ERO1B: variants seen among roughly 807,000 people sequenced by gnomAD.
ERO1B encodes the protein ERO1-like protein beta.
In ERO1B, 49 loss-of-function variants were observed where a neutral mutation model predicts 75.3. The observed-to-expected ratio is 0.65, with a 90% CI of 0.52 to 0.83. ERO1B has a LOEUF of 0.83. Ranked by LOEUF, ERO1B falls within the 40% of genes least tolerant of loss-of-function variation. ERO1B has a pLI of 0.00. For synonymous variants in ERO1B, 191 were observed against 192.9 expected (o/e 0.99, Z 0.08); for missense variants, 512 against 560.1 (o/e 0.91, Z 0.87).
intron 2 of ERO1B, among the ~76,000 whole-genome samples, chr1:236,261,941 TCAAAAA>T (rs1553373801): frequency 0.012 from 1,831 of 151,644 alleles, 16 homozygotes; most frequent in South Asian, 0.029. Context: ...AGGCTCTGTC[TCAAAAA>T]CAAAAACAAA....
chr1:236,219,981 G>A (rs1354154986), intron 15 of ERO1B, among the ~76,000 whole-genome samples: 1 of 145,730 alleles, frequency 6.9e-6, no homozygotes, highest in Non-Finnish European at 1.5e-5. Flanking sequence ...CCATGATTGT[G>A]CCACTGCATT....
chr1:236,257,162 G>C (rs1256262666), intron 2 of ERO1B, among the ~76,000 whole-genome samples: 1 of 152,214 alleles, frequency 6.6e-6, no homozygotes, highest in East Asian at 1.9e-4. Context: ...ACTAAGAACA[G>C]AGACAGCAGG....
chr1:236,221,542 C>T (rs1180525979), intron 14 of ERO1B, among the ~76,000 whole-genome samples: 1 of 152,144 alleles, frequency 6.6e-6, no homozygotes, highest in Non-Finnish European at 1.5e-5. Context: ...CCTTCTTTTG[C>T]TCATTTATAC....
chr1:236,266,690 T>C (rs1665449634), intron 2 of ERO1B, among the ~76,000 whole-genome samples: 1 of 152,232 alleles, frequency 6.6e-6, no homozygotes, highest in African/African-American at 2.4e-5. Context: ...TTTCCTTTCT[T>C]TGCCACTGTT....
rs1664020034 is a variant in ERO1B, at chr1:236,217,500, G to C, written c.*1016C>G. 1 of 152,534 alleles carries C rather than the reference G, an allele frequency of 6.6e-6. No individual in the cohort carries two copies. Among genetic ancestry groups the C allele is most frequent in the African/African-American group, 2.4e-5 (1 of 41,438 alleles). The allele number at this position is 152,534 out of a possible 1,614,324, so 9.4% of individuals were successfully genotyped here. ...TTTTTATATATCCTGTCAGGGAAAAGCACACTGAGTTCGAGGATTGCATAG... is the reference window on the plus strand; with the variant it reads ...TTTTTATATATCCTGTCAGGGAAAACCACACTGAGTTCGAGGATTGCATAG... On this transcript the variant is annotated 3_prime_UTR_variant, in exon 16 of 16. Transcript: ENST00000354619.
At chr1:236,248,435 T>TG (rs76022654) in intron 5 of ERO1B, among the ~76,000 whole-genome samples, 37,681 of 151,944 alleles carry the variant, frequency 0.25, 4,854 homozygotes, top group East Asian at 0.38. Flanking sequence ...ACTTCTAATG[T>TG]GAAAAAAAAT....
At position 236,220,244 on chromosome 1, in the gene ERO1B, C is replaced by T. The variant is rs1302021520; in HGVS notation, c.1343+588G>A. 4 of 149,036 alleles carry T rather than the reference C, an allele frequency of 2.7e-5. No homozygotes were observed. In the East Asian group the frequency reaches 5.9e-4, roughly 22 times the overall value. The allele number at this position is 149,036 out of a possible 1,614,324, so 9.2% of individuals were successfully genotyped here. On this transcript the variant is annotated intron_variant, in intron 15 of 15. Coordinates refer to ENST00000354619, the MANE Select transcript of ERO1B (RefSeq NM_019891.4). ...AGTATTATTTTCTGTGATTCTTTTCCTTCTGTTCTGTATTCCTCAGTTGGC... is the reference window on the plus strand; with the variant it reads ...AGTATTATTTTCTGTGATTCTTTTCTTTCTGTTCTGTATTCCTCAGTTGGC...
At chr1:236,265,029 C>G (rs1051415834) in intron 2 of ERO1B, among the ~76,000 whole-genome samples, 11 of 136,504 alleles carry the variant, frequency 8.1e-5, no homozygotes, top group Admixed American at 1.6e-4. Context: ...AATTTTATGG[C>G]TCTAGTTATT....
At chr1:236,237,925 C>T (rs549510968) in intron 6 of ERO1B, among the ~76,000 whole-genome samples, 10 of 152,120 alleles carry the variant, frequency 6.6e-5, no homozygotes, top group African/African-American at 1.2e-4. Context: ...CTGTAACCTC[C>T]GCCTCCCAGG....
intron 6 of ERO1B, among the ~76,000 whole-genome samples, chr1:236,242,660 C>A (rs1374767891): frequency 1.3e-5 from 2 of 151,950 alleles, no homozygotes; most frequent in African/African-American, 4.8e-5. Context: ...CAAAGAACTA[C>A]TATTTCCAAC....
chr1:236,257,682 C>T (rs563160822), intron 2 of ERO1B, among the ~76,000 whole-genome samples: 5 of 151,390 alleles, frequency 3.3e-5, no homozygotes, highest in South Asian at 4.2e-4. Flanking sequence ...GTAAGGAGTG[C>T]GATGCATGAA....
At chr1:236,261,960 C>CAAAAACAA (rs111438629) in intron 2 of ERO1B, among the ~76,000 whole-genome samples, 16 of 149,170 alleles carry the variant, frequency 1.1e-4, no homozygotes, top group East Asian at 4.3e-4. Flanking sequence ...AAAACAAAAA[C>CAAAAACAA]AAACAAACAA....
intron 10 of ERO1B, among the ~76,000 whole-genome samples, chr1:236,228,850 T>C (rs1664335232): frequency 6.6e-6 from 1 of 152,184 alleles, no homozygotes; most frequent in Non-Finnish European, 1.5e-5. Context: ...TGTATCAATA[T>C]TCAGATACTC....
At chr1:236,281,655 T>C (rs1665833223) in intron 1 of ERO1B, 27 bp downstream of exon 1, 1 of 1,383,472 alleles carries the variant, frequency 7.2e-7, no homozygotes, top group Non-Finnish European at 9.4e-7. Context: ...GGCCGGGGGT[T>C]CCCGGCCCGC....
intron 15 of ERO1B, among the ~76,000 whole-genome samples, chr1:236,220,011 G>A (rs1472691507): frequency 6.9e-5 from 9 of 130,614 alleles, no homozygotes; most frequent in South Asian, 2.5e-4. Flanking sequence ...ATGACAGAGC[G>A]AGACCCTCAT....
At chr1:236,227,397 A>T (rs890761585) in intron 10 of ERO1B, among the ~76,000 whole-genome samples, 1 of 152,196 alleles carries the variant, frequency 6.6e-6, no homozygotes, top group Non-Finnish European at 1.5e-5. Context: ...AGAGGTCAAG[A>T]TATCCCGTCA....
At chr1:236,257,237 G>C (rs1436876505) in intron 2 of ERO1B, among the ~76,000 whole-genome samples, 1 of 152,124 alleles carries the variant, frequency 6.6e-6, no homozygotes, top group East Asian at 1.9e-4. Flanking sequence ...GAAACACCTG[G>C]TACATAAGAC....
intron 1 of ERO1B, 57 bp from the exon 2 acceptor site, chr1:236,270,051 C>T: frequency 1.7e-6 from 2 of 1,201,458 alleles, no homozygotes; most frequent in South Asian, 1.5e-5. Context: ...CTTAACAAAT[C>T]TACACTATTA....
In ERO1B at chr1:236,244,136, T is replaced by A. The variant is rs117134307; in HGVS notation, c.432-641A>T. ...ATTAACTTGAACCTATATTCAGGCC[T>A]TCTCTGTATTGAATACTCATGATGG... On this transcript the variant is annotated intron_variant, in intron 5 of 15. Coordinates refer to ENST00000354619, the MANE Select transcript of ERO1B (RefSeq NM_019891.4). 2.6e-5 allele frequency among the ~76,000 whole-genome samples: 4 copies of A among 152,342 alleles called. No individual in the cohort carries two copies. In the East Asian group the frequency reaches 7.7e-4, roughly 29 times the overall value.
Sources: gnomAD v4.1 joint callset for allele counts (sites outside exome capture counted in the v4.1 genomes callset) on GRCh38, gnomAD v4.1.1 for gene constraint, MANE v1.5 for transcripts, NCBI Gene and HGNC (gene_info 2026-07-23, HGNC 2026-07-21) for gene names.